PPP2R2D: variants seen among roughly 807,000 people sequenced by gnomAD.
PPP2R2D encodes the protein serine/threonine-protein phosphatase 2A 55 kDa regulatory subunit B delta isoform.
PPP2R2D carries 9 observed loss-of-function variants against 31.1 expected under a neutral mutation model. The ratio of observed to expected loss-of-function variants is 0.29; its 90% CI spans 0.17 to 0.51. The LOEUF is 0.51. Ranked by LOEUF, PPP2R2D falls within the 20% of genes least tolerant of loss-of-function variation. The pLI, the probability that PPP2R2D is intolerant of heterozygous loss-of-function variation, is 0.98. For synonymous variants in PPP2R2D, 179 were observed against 172.6 expected (o/e 1.04, Z -0.29); for missense variants, 391 against 465.6 (o/e 0.84, Z 1.48).
intron 5 of PPP2R2D, among the ~76,000 whole-genome samples, chr10:131,942,798 A>T (rs1257336376): frequency 6.6e-6 from 1 of 152,240 alleles, no homozygotes; most frequent in Non-Finnish European, 1.5e-5. Context: ...GTTTTGATTA[A>T]TGGGAAATTT....
At chr10:131,934,783 C>T (rs1162349508) in intron 3 of PPP2R2D, 20 of 569,870 alleles carry the variant, frequency 3.5e-5, no homozygotes, top group Middle Eastern at 2.7e-4. Flanking sequence ...GAGGAGATTC[C>T]GCTGGGGACC....
At chr10:131,964,866 A>G in the PPP2R2D span, among the ~76,000 whole-genome samples, 1 of 151,906 alleles carries the variant, frequency 6.6e-6, no homozygotes, top group African/African-American at 2.4e-5. Flanking sequence ...TGAAGCATTA[A>G]TGTGGTTCTA....
intron 8 of PPP2R2D, among the ~76,000 whole-genome samples, chr10:131,955,295 C>T (rs1375363598): frequency 1.3e-5 from 2 of 152,166 alleles, no homozygotes; most frequent in African/African-American, 4.8e-5. Context: ...TGACTAGTAA[C>T]TGTTGAACAT....
rs575687054 is a variant in PPP2R2D at position 131,915,589 on chromosome 10, T to A, written c.100+14259T>A. 2.6e-5 allele frequency among the ~76,000 whole-genome samples: 4 copies of A among 152,302 alleles called. No individual in the cohort carries two copies. In the East Asian group the frequency reaches 7.7e-4, roughly 29 times the overall value. On this transcript the variant is annotated intron_variant, in intron 2 of 8. Coordinates refer to ENST00000455566, the MANE Select transcript of PPP2R2D (RefSeq NM_018461.5). ...TCACTGGAGGCACTGTCTGTGAAAT[T>A]GGTTCATAGCCTGTCCCTGCTCTTG...
Position 131,947,484 on chromosome 10 carries a change from T to G in PPP2R2D, c.821-46T>G. On this transcript the variant is annotated intron_variant, in intron 7 of 8. Coordinates refer to ENST00000455566, the MANE Select transcript of PPP2R2D (RefSeq NM_018461.5). This position sits in a 1 kb window ranked among gnomAD's most constrained non-coding sequence, Gnocchi z 4.3. Reference sequence around the variant, plus strand: ...ACTTGAACTTGAAAATGATTTGTTCTCTGATTTTTAAACAGAAGCTGAAAA... The same window carrying G: ...ACTTGAACTTGAAAATGATTTGTTCGCTGATTTTTAAACAGAAGCTGAAAA... 6.3e-7 allele frequency: 1 copy of G among 1,584,928 alleles called. No individual in the cohort carries two copies. The highest frequency in any genetic ancestry group is 8.6e-7 in the Non-Finnish European group (1 of 1,163,836).
the PPP2R2D span, chr10:131,968,635 A>G: frequency 7.0e-7 from 1 of 1,427,332 alleles, no homozygotes; most frequent in East Asian, 2.3e-5. Flanking sequence ...TTACAGCTGA[A>G]ACAGGGTAGC....
chr10:131,933,573 C>G (rs1306899188), intron 2 of PPP2R2D, among the ~76,000 whole-genome samples: 1 of 152,156 alleles, frequency 6.6e-6, no homozygotes, highest in Non-Finnish European at 1.5e-5. Context: ...CGGGAGGCCA[C>G]GCCAGGCCTT....
chr10:131,970,886 G>A, the PPP2R2D span: 5 of 1,614,110 alleles, frequency 3.1e-6, no homozygotes, highest in South Asian at 1.1e-5. This position sits in a 1 kb window ranked among gnomAD's most constrained non-coding sequence, Gnocchi z 4.1. Context: ...TTTTCCGGCC[G>A]ACTTGACCAA....
At chr10:131,930,824 C>A (rs4131689) in intron 2 of PPP2R2D, among the ~76,000 whole-genome samples, 42,506 of 152,106 alleles carry the variant, frequency 0.28, 6,058 homozygotes, top group East Asian at 0.45. Flanking sequence ...GTTTCTAGAA[C>A]TCGTCAGCTG....
At position 131,955,967 on chromosome 10, in the gene PPP2R2D, C is replaced by T. The variant is rs369880399; in HGVS notation, c.*4C>T. The T allele has an allele frequency of 1.3e-5, 20 of 1,493,576 alleles. No individual in the cohort carries two copies. In the South Asian group the frequency reaches 2.0e-4, roughly 15 times the overall value. The allele number at this position is 1,493,576 out of a possible 1,614,324, so 92.5% of individuals were successfully genotyped here. A position where few individuals can be genotyped will look rare whatever the true frequency, so the allele number is the denominator to read the frequency against. On this transcript the variant is annotated 3_prime_UTR_variant, in exon 9 of 9. Coordinates refer to ENST00000455566, the MANE Select transcript of PPP2R2D (RefSeq NM_018461.5). ...ATTCCAGGACAAAATCAACTAGAGA[C>T]GCGAACGTGAGGACCAAGTCTTGTC...
chr10:131,970,958 C>T, the PPP2R2D span: 1 of 1,613,880 alleles, frequency 6.2e-7, no homozygotes, highest in Non-Finnish European at 8.5e-7. The surrounding 1 kb of genome is among the most constrained non-coding windows in gnomAD (Gnocchi z 4.1). Flanking sequence ...CTTTCAATAT[C>T]ATCTTCCTCA....
chr10:131,944,958 T>A (rs1172502397), intron 6 of PPP2R2D, among the ~76,000 whole-genome samples: 2 of 152,216 alleles, frequency 1.3e-5, no homozygotes, highest in African/African-American at 4.8e-5. Flanking sequence ...TTTGCACAGA[T>A]GGTACTAGCT....
rs192560134 is a variant in PPP2R2D, at chr10:131,959,195, C to T, written c.*3232C>T. ...CCCCCTGTGGAGATGAAGGTGTGTG[C>T]TGATCCCCCGTCCTCCTGTGGAGAT... On this transcript the variant is annotated 3_prime_UTR_variant, in exon 9 of 9. Transcript: ENST00000455566. 40 of 168,010 alleles carry T rather than the reference C, an allele frequency of 2.4e-4. 1 individual carries two copies. The highest frequency in any genetic ancestry group is 4.2e-4 in the Non-Finnish European group (36 of 86,166). The allele number at this position is 168,010 out of a possible 1,614,324, so 10.4% of individuals were successfully genotyped here.
At chr10:131,926,226 T>C (rs570914893) in intron 2 of PPP2R2D, among the ~76,000 whole-genome samples, 70 of 152,340 alleles carry the variant, frequency 4.6e-4, no homozygotes, top group African/African-American at 1.5e-3. Context: ...AGTTTTCCAT[T>C]TTTTTAATAT....
intron 2 of PPP2R2D, among the ~76,000 whole-genome samples, chr10:131,906,095 G>A (rs1248894626): frequency 6.6e-6 from 1 of 152,164 alleles, no homozygotes. Context: ...TGCACGTCAA[G>A]CAAGTGCTGC....
downstream of PPP2R2D, among the ~76,000 whole-genome samples, chr10:131,962,357 C>T (rs1554901582): frequency 6.6e-6 from 1 of 152,184 alleles, no homozygotes; most frequent in African/African-American, 2.4e-5. Context: ...CACTCACTCA[C>T]CAGATGCAGA....
downstream of PPP2R2D, among the ~76,000 whole-genome samples, chr10:131,963,273 A>T (rs1225246127): frequency 6.6e-6 from 1 of 152,222 alleles, no homozygotes; most frequent in Non-Finnish European, 1.5e-5. Context: ...AAACCTAAAT[A>T]TCTGAACACA....
chr10:131,950,364 C>G (rs1006777172), intron 8 of PPP2R2D, among the ~76,000 whole-genome samples: 1 of 152,062 alleles, frequency 6.6e-6, no homozygotes, highest in Non-Finnish European at 1.5e-5. Flanking sequence ...AATGAAATTG[C>G]AGGACACCAA....
At chr10:131,911,537 C>G (rs2035683047) in intron 2 of PPP2R2D, 1 of 152,190 alleles carries the variant, frequency 6.6e-6, no homozygotes, top group African/African-American at 2.4e-5. Context: ...TTTCCTTTTT[C>G]TTTCCCTTTT....
Sources: allele counts gnomAD v4.1 joint callset (sites outside exome capture counted in the v4.1 genomes callset), GRCh38; gene constraint gnomAD v4.1.1; non-coding constraint Gnocchi (gnomAD v3.1); transcripts MANE v1.5; gene names NCBI Gene and HGNC (gene_info 2026-07-23, HGNC 2026-07-21).